Variants in ULK4 observed in about 807,000 individuals in gnomAD.
ULK4 encodes unc-51 like kinase 4, also known as inactive serine/threonine-protein kinase ULK4.
ULK4 carries 133 observed loss-of-function variants against 160.6 expected under a neutral mutation model. The ratio of observed to expected loss-of-function variants is 0.83; its 90% CI spans 0.72 to 0.96. The LOEUF is 0.96. Among genes scored for constraint, ULK4 ranks in the 40% least tolerant of loss-of-function variants. The probability of loss-of-function intolerance (pLI) is 0.00; values close to 1 mark genes in which losing one functional copy is unlikely to be tolerated. For synonymous variants in ULK4, 534 were observed against 539.8 expected, an observed-to-expected ratio of 0.99 and a Z score of 0.15; for missense variants, 1,580 against 1,499.5, an observed-to-expected ratio of 1.05 and a Z score of -0.89.
intron 22 of ULK4, among the ~76,000 whole-genome samples, chr3:41,738,147 TA>T (rs1269234629): frequency 1.3e-5 from 2 of 151,958 alleles, no homozygotes. Flanking sequence ...TGGAAAAAAT[TA>T]AAAATAGTCT....
At chr3:41,553,703 C>A (rs2371588) in intron 32 of ULK4, among the ~76,000 whole-genome samples, 9,299 of 152,066 alleles carry the variant, frequency 0.061, 847 homozygotes, top group African/African-American at 0.2. Context: ...TGTGTGAATA[C>A]ATAGTAGGTA....
chr3:41,836,786 A>C (rs116538255), intron 17 of ULK4, among the ~76,000 whole-genome samples: 131 of 152,346 alleles, frequency 8.6e-4, no homozygotes, highest in African/African-American at 3.1e-3. Context: ...AGCATGTTTT[A>C]TCAGATCTAG....
At chr3:41,802,507 C>T (rs1020050908) in intron 19 of ULK4, among the ~76,000 whole-genome samples, 1 of 152,078 alleles carries the variant, frequency 6.6e-6, no homozygotes, top group Non-Finnish European at 1.5e-5. Context: ...CTCTGTTGCC[C>T]AGGCTGAACT....
intron 35 of ULK4, among the ~76,000 whole-genome samples, chr3:41,346,059 A>G (rs147711083): frequency 1.4e-3 from 215 of 152,222 alleles, no homozygotes; most frequent in African/African-American, 4.9e-3. Context: ...AGGATGCGTG[A>G]GAGGCAACAA....
intron 30 of ULK4, among the ~76,000 whole-genome samples, chr3:41,650,419 G>C (rs1218686337): frequency 6.6e-6 from 1 of 152,190 alleles, no homozygotes; most frequent in East Asian, 1.9e-4. Context: ...CCTCCTTGGG[G>C]CTCTGGGGTT....
At chr3:41,830,879 C>A (rs966575955) in intron 18 of ULK4, among the ~76,000 whole-genome samples, 1 of 151,574 alleles carries the variant, frequency 6.6e-6, no homozygotes, top group African/African-American at 2.4e-5. Context: ...GATGTCAAGG[C>A]CTTGAGGGTC....
intron 35 of ULK4, among the ~76,000 whole-genome samples, chr3:41,340,771 A>G (rs1279239642): frequency 1.3e-5 from 2 of 152,202 alleles, no homozygotes; most frequent in Non-Finnish European, 2.9e-5. Context: ...CTGATGTGCT[A>G]TGATTTAAAA....
intron 32 of ULK4, among the ~76,000 whole-genome samples, chr3:41,525,825 A>G (rs1366252603): frequency 2.0e-5 from 3 of 152,184 alleles, no homozygotes; most frequent in South Asian, 2.1e-4. Context: ...AATACTAATC[A>G]TGCTTATGAT....
At chr3:41,426,803 G>A (rs928594198) in intron 34 of ULK4, among the ~76,000 whole-genome samples, 2 of 151,662 alleles carry the variant, frequency 1.3e-5, no homozygotes, top group East Asian at 1.9e-4. Context: ...AAATGCCCAC[G>A]TCAAAAAACT....
intron 16 of ULK4, among the ~76,000 whole-genome samples, chr3:41,884,784 C>G (rs1007250789): frequency 1.3e-5 from 2 of 152,180 alleles, no homozygotes; most frequent in African/African-American, 4.8e-5. Flanking sequence ...CTCTAACATA[C>G]AGAAATAATC....
At chr3:41,689,159 T>G (rs907395538) in intron 27 of ULK4, among the ~76,000 whole-genome samples, 24 of 152,226 alleles carry the variant, frequency 1.6e-4, no homozygotes, top group African/African-American at 5.3e-4. Context: ...ACTCCCCTCC[T>G]TGCCTTTAAG....
At chr3:41,352,397 T>G (rs1209621240) in intron 35 of ULK4, among the ~76,000 whole-genome samples, 1 of 152,198 alleles carries the variant, frequency 6.6e-6, no homozygotes, top group East Asian at 1.9e-4. Flanking sequence ...AATTTACTGA[T>G]AGTATTAGAA....
At chr3:41,499,266 T>A (rs1247811515) in intron 32 of ULK4, among the ~76,000 whole-genome samples, 2 of 152,058 alleles carry the variant, frequency 1.3e-5, no homozygotes, top group Non-Finnish European at 2.9e-5. Flanking sequence ...AAAAAGCTCA[T>A]GAAGAACCCC....
intron 34 of ULK4, among the ~76,000 whole-genome samples, chr3:41,424,831 CAA>C (rs36097613): frequency 0.26 from 15,984 of 62,504 alleles, 1,268 homozygotes; most frequent in African/African-American, 0.32. Context: ...AAGAAATCAT[CAA>C]AAAAAAAAAA....
At chr3:41,732,458 T>C (rs2037865741) in intron 22 of ULK4, among the ~76,000 whole-genome samples, 1 of 151,816 alleles carries the variant, frequency 6.6e-6, no homozygotes, top group Non-Finnish European at 1.5e-5. Context: ...AAAATAATAA[T>C]AATAATAATG....
chr3:41,820,132 A>G (rs2041095253), intron 18 of ULK4, among the ~76,000 whole-genome samples: 1 of 152,212 alleles, frequency 6.6e-6, no homozygotes, highest in Non-Finnish European at 1.5e-5. Flanking sequence ...AGAAAGATGA[A>G]AAAAACTAAT....
intron 19 of ULK4, among the ~76,000 whole-genome samples, chr3:41,805,799 T>C (rs2125612649): frequency 6.8e-6 from 1 of 148,034 alleles, no homozygotes; most frequent in East Asian, 1.9e-4. Context: ...TTGATTTGCG[T>C]ATATTGAACC....
intron 34 of ULK4, among the ~76,000 whole-genome samples, chr3:41,441,138 T>C (rs1202272259): frequency 6.6e-6 from 1 of 152,128 alleles, no homozygotes; most frequent in African/African-American, 2.4e-5. Flanking sequence ...TTCCTTATTT[T>C]TGATTTGATT....
At chr3:41,819,376 G>C (rs773707654) in intron 19 of ULK4, 47 bp downstream of exon 19, 18 of 1,567,212 alleles carry the variant, frequency 1.1e-5, no homozygotes, top group Non-Finnish European at 1.6e-5. Context: ...TGCCTGAAGG[G>C]TTATTACAAT....
Sources: allele counts gnomAD v4.1 joint callset (sites outside exome capture counted in the v4.1 genomes callset), GRCh38; gene constraint gnomAD v4.1.1; transcripts MANE v1.5; gene names NCBI Gene and HGNC (gene_info 2026-07-23, HGNC 2026-07-21).